Variants in R3HDM1 observed in about 807,000 individuals in gnomAD.
The protein encoded by R3HDM1 is R3H domain-containing protein 1.
In R3HDM1, 46 loss-of-function variants were observed where a neutral mutation model predicts 141.1. The ratio of observed to expected loss-of-function variants is 0.33; its 90% confidence interval spans 0.26 to 0.42. R3HDM1 has a LOEUF of 0.42. R3HDM1 is among the 10% of genes least tolerant of loss of function. The pLI is 1.00. For synonymous variants in R3HDM1, 435 were observed against 472.9 expected (o/e 0.92, Z 1.04); for missense variants, 1,184 against 1,368.3 (o/e 0.87, Z 2.12).
chr2:135,707,187 A>G (rs1306152640), intron 21 of R3HDM1, among the ~76,000 whole-genome samples: 1 of 152,246 alleles, frequency 6.6e-6, no homozygotes, highest in Non-Finnish European at 1.5e-5. Context: ...CTGGTGCTTT[A>G]CTTTAAAAGT....
chr2:135,630,399 C>A (rs187372574), intron 7 of R3HDM1, among the ~76,000 whole-genome samples: 3 of 148,888 alleles, frequency 2.0e-5, no homozygotes, highest in Non-Finnish European at 4.4e-5. Flanking sequence ...TAAGGAGAAG[C>A]AGGTTTGGAA....
At chr2:135,559,589 C>G (rs1165750994) in intron 1 of R3HDM1, among the ~76,000 whole-genome samples, 1 of 152,188 alleles carries the variant, frequency 6.6e-6, no homozygotes, top group Admixed American at 6.5e-5. Context: ...ATGCCTTAAT[C>G]TCTGTATTAT....
Position 135,715,708 on chromosome 2 carries a change from A to C in R3HDM1, c.2881+14A>C, listed in dbSNP as rs780171502. 1.9e-6 allele frequency: 3 copies of C among 1,604,184 alleles called. No homozygotes were observed. Among genetic ancestry groups the C allele is most frequent in the Non-Finnish European group, 2.6e-6 (3 of 1,175,140 alleles). ...TCCCCGGGCAAGGTAAGTGCACATGAAACTAGTCACAACTTCAGAGAATTT... is the reference window on the plus strand; with the variant it reads ...TCCCCGGGCAAGGTAAGTGCACATGCAACTAGTCACAACTTCAGAGAATTT... On this transcript the variant is annotated intron_variant, in intron 24 of 26. Transcript: ENST00000683871.
At chr2:135,573,458 A>G (rs935006270) in intron 1 of R3HDM1, among the ~76,000 whole-genome samples, 1 of 152,122 alleles carries the variant, frequency 6.6e-6, no homozygotes, top group African/African-American at 2.4e-5. Flanking sequence ...AAAAATGAAC[A>G]CAAAATGGAG....
At chr2:135,610,626 C>T (rs760393869) in intron 3 of R3HDM1, among the ~76,000 whole-genome samples, 4 of 152,178 alleles carry the variant, frequency 2.6e-5, no homozygotes, top group African/African-American at 7.2e-5. Context: ...CACAATGCCA[C>T]GCTTCTTCGA....
chr2:135,709,353 G>A lies in R3HDM1; in HGVS notation c.2460-80G>A, dbSNP rs556497236. 56 of 1,567,246 alleles carry A rather than the reference G, an allele frequency of 3.6e-5. No homozygotes were observed. In the South Asian group the frequency reaches 4.3e-4, roughly 12 times the overall value. ...CTCCCAAAGTGCTGGGATTACAGGCGTGAGCACCGCGCCCAGCCCATTCAA... is the reference window on the plus strand; with the variant it reads ...CTCCCAAAGTGCTGGGATTACAGGCATGAGCACCGCGCCCAGCCCATTCAA... On this transcript the variant is annotated intron_variant, in intron 21 of 26. Transcript: ENST00000683871.
At chr2:135,581,510 C>A (rs72988436) in intron 1 of R3HDM1, 2 of 604,150 alleles carry the variant, frequency 3.3e-6, no homozygotes, top group Non-Finnish European at 4.1e-6. Context: ...CTTTCCTCAC[C>A]ACTTATTAAT....
chr2:135,665,148 T>C (rs2067303951), intron 19 of R3HDM1, among the ~76,000 whole-genome samples: 1 of 152,236 alleles, frequency 6.6e-6, no homozygotes. Context: ...CTTACCAGTT[T>C]CACTAATAAA....
At chr2:135,536,151 T>C (rs1696051143) in intron 1 of R3HDM1, among the ~76,000 whole-genome samples, 1 of 151,962 alleles carries the variant, frequency 6.6e-6, no homozygotes, top group Non-Finnish European at 1.5e-5. Flanking sequence ...ATTTTTTATT[T>C]TTTTAAGAGA....
At chr2:135,620,733 G>A in intron 5 of R3HDM1, 1 of 871,830 alleles carries the variant, frequency 1.1e-6, no homozygotes, top group Non-Finnish European at 1.4e-6. Flanking sequence ...AGTAAACAGA[G>A]CTACATGATT....
At chr2:135,569,851 C>T (rs769608236) in intron 1 of R3HDM1, among the ~76,000 whole-genome samples, 50 of 151,956 alleles carry the variant, frequency 3.3e-4, no homozygotes, top group African/African-American at 8.9e-4. Flanking sequence ...CTCAGCCTCC[C>T]GAGTAGCTGG....
chr2:135,696,677 A>C (rs900093419), intron 21 of R3HDM1, among the ~76,000 whole-genome samples: 1 of 152,022 alleles, frequency 6.6e-6, no homozygotes, highest in African/African-American at 2.4e-5. Context: ...TTTTTTTTAA[A>C]GATAGGATCT....
intron 1 of R3HDM1, among the ~76,000 whole-genome samples, chr2:135,555,384 A>T (rs973446658): frequency 1.3e-5 from 2 of 152,184 alleles, no homozygotes; most frequent in African/African-American, 4.8e-5. Context: ...TGTGTCTATA[A>T]TTACAAAAAT....
intron 1 of R3HDM1, among the ~76,000 whole-genome samples, chr2:135,560,702 G>A (rs1051814415): frequency 3.3e-5 from 5 of 152,192 alleles, no homozygotes; most frequent in African/African-American, 1.2e-4. Context: ...AGTTGTGGTA[G>A]AGACTTGAGG....
intron 3 of R3HDM1, chr2:135,606,112 T>A (rs2060024809): frequency 6.6e-6 from 1 of 152,302 alleles, no homozygotes; most frequent in South Asian, 2.1e-4. Flanking sequence ...GCCGGTGGAC[T>A]TGGTCTGGAG....
chr2:135,550,391 A>G (rs577486167), intron 1 of R3HDM1, among the ~76,000 whole-genome samples: 4 of 152,346 alleles, frequency 2.6e-5, no homozygotes, highest in African/African-American at 4.8e-5. Flanking sequence ...GGAGAACCCA[A>G]TGGTAAAATA....
Position 135,724,338 on chromosome 2 carries a change from C to G in R3HDM1, c.*46C>G. The G allele has an allele frequency of 7.2e-7, 1 of 1,397,194 alleles. No homozygotes were observed. Among genetic ancestry groups the G allele is most frequent in the South Asian group, 1.3e-5 (1 of 75,616 alleles). 86.5% of individuals were successfully genotyped at this position (1,397,194 alleles called of 1,614,324 possible). On this transcript the variant is annotated 3_prime_UTR_variant, in exon 27 of 27. Coordinates refer to ENST00000683871, the MANE Select transcript of R3HDM1 (RefSeq NM_001378107.1). ...GCCTTTATGGTTCCCCTGCCCTCTC[C>G]CATCTTTGATTGGCTTGGTATTTGG... is the stretch of plus-strand genomic sequence containing the variant.
intron 3 of R3HDM1, among the ~76,000 whole-genome samples, chr2:135,612,577 C>G (rs1219356113): frequency 1.3e-5 from 2 of 152,108 alleles, no homozygotes. Flanking sequence ...GTTTCATATT[C>G]TGCACCCATT....
At chr2:135,561,032 A>T (rs369298594) in intron 1 of R3HDM1, among the ~76,000 whole-genome samples, 107 of 152,360 alleles carry the variant, frequency 7.0e-4, no homozygotes, top group African/African-American at 2.4e-3. Flanking sequence ...GTGGTAACAA[A>T]TGTATGGTAC....
Sources: allele counts gnomAD v4.1 joint callset (sites outside exome capture counted in the v4.1 genomes callset), GRCh38; gene constraint gnomAD v4.1.1; transcripts MANE v1.5; gene names NCBI Gene and HGNC (gene_info 2026-07-23, HGNC 2026-07-21).